CSMD1: variants seen among roughly 807,000 people sequenced by gnomAD.
The protein encoded by CSMD1 is CUB and Sushi multiple domains 1, also known as CUB and sushi domain-containing protein 1.
Under a neutral mutation model 417.5 loss-of-function variants are expected in CSMD1, and 213 were observed. The ratio of observed to expected loss-of-function variants is 0.51; its 90% confidence interval spans 0.46 to 0.57. The LOEUF (loss-of-function observed/expected upper bound fraction) is 0.57. Among genes scored for constraint, CSMD1 ranks in the 20% least tolerant of loss-of-function variants. The pLI, the probability that CSMD1 is intolerant of heterozygous loss-of-function variation, is 0.00. For missense variants in CSMD1, 6,923 were observed against 4,529.7 expected (o/e 1.53, Z -15.17); for synonymous variants, 2,862 against 1,736.8 (o/e 1.65, Z -16.11).
chr8:3,293,872 G>A (rs2117294601), intron 25 of CSMD1, among the ~76,000 whole-genome samples: 1 of 152,326 alleles, frequency 6.6e-6, no homozygotes, highest in Non-Finnish European at 1.5e-5. Flanking sequence ...TGCTGGTGAG[G>A]AGCTGTGTTC....
At chr8:3,941,677 A>C (rs1287752259) in intron 5 of CSMD1, among the ~76,000 whole-genome samples, 1 of 152,204 alleles carries the variant, frequency 6.6e-6, no homozygotes, top group Non-Finnish European at 1.5e-5. Context: ...GCAGAGTTTG[A>C]CTAGAATGTA....
At chr8:4,434,317 G>A (rs928175574) in intron 2 of CSMD1, among the ~76,000 whole-genome samples, 1 of 152,162 alleles carries the variant, frequency 6.6e-6, no homozygotes, top group African/African-American at 2.4e-5. Flanking sequence ...AGTGAGCTGA[G>A]ATTGCACCAT....
At chr8:3,964,815 A>C (rs1812560811) in intron 5 of CSMD1, among the ~76,000 whole-genome samples, 1 of 152,218 alleles carries the variant, frequency 6.6e-6, no homozygotes, top group Non-Finnish European at 1.5e-5. Flanking sequence ...TAAGCTCACA[A>C]ATGAAATAAT....
intron 3 of CSMD1, among the ~76,000 whole-genome samples, chr8:4,040,754 G>A (rs1030928222): frequency 2.0e-5 from 3 of 152,132 alleles, no homozygotes; most frequent in African/African-American, 4.8e-5. Context: ...CAAGGTAAGC[G>A]ACCAGTTGGC....
chr8:4,853,734 C>T (rs1276496552), intron 1 of CSMD1, among the ~76,000 whole-genome samples: 4 of 152,170 alleles, frequency 2.6e-5, no homozygotes, highest in South Asian at 2.1e-4. Flanking sequence ...CATGCAATCT[C>T]GTCATGGAAA....
chr8:3,699,750 C>T (rs551158015), intron 7 of CSMD1, among the ~76,000 whole-genome samples: 67 of 152,260 alleles, frequency 4.4e-4, no homozygotes, highest in Non-Finnish European at 8.2e-4. Context: ...CTTCTGGATG[C>T]TCCGCAACGA....
intron 12 of CSMD1, among the ~76,000 whole-genome samples, chr8:3,421,736 C>T (rs182431483): frequency 1.3e-5 from 2 of 152,206 alleles, no homozygotes; most frequent in Non-Finnish European, 2.9e-5. Flanking sequence ...CTCCCAGGTT[C>T]AAGCAATTGT....
At chr8:4,552,304 A>G (rs1797908830) in intron 2 of CSMD1, among the ~76,000 whole-genome samples, 1 of 151,850 alleles carries the variant, frequency 6.6e-6, no homozygotes, top group African/African-American at 2.4e-5. Flanking sequence ...CTGAAACGTT[A>G]TGCATATCCC....
chr8:3,952,742 T>C (rs1282960249), intron 5 of CSMD1, among the ~76,000 whole-genome samples: 1 of 152,214 alleles, frequency 6.6e-6, no homozygotes, highest in Non-Finnish European at 1.5e-5. Flanking sequence ...AAATGGCTTA[T>C]TGTATGTTAT....
intron 5 of CSMD1, among the ~76,000 whole-genome samples, chr8:3,848,864 C>T (rs1429014022): frequency 6.6e-6 from 1 of 151,566 alleles, no homozygotes; most frequent in African/African-American, 2.4e-5. Context: ...ACATTTTTTT[C>T]AGTCCAGAAA....
intron 10 of CSMD1, among the ~76,000 whole-genome samples, chr8:3,519,105 T>C (rs1158763601): frequency 6.6e-6 from 1 of 152,202 alleles, no homozygotes; most frequent in African/African-American, 2.4e-5. Flanking sequence ...CTGTCCCCTG[T>C]GCAAATATTT....
intron 1 of CSMD1, among the ~76,000 whole-genome samples, chr8:4,887,426 C>G (rs1442848193): frequency 6.6e-6 from 1 of 151,790 alleles, no homozygotes; most frequent in African/African-American, 2.4e-5. Flanking sequence ...AAATGAGAAC[C>G]GAGGTATATT....
At chr8:4,925,375 T>C (rs1340932010) in intron 1 of CSMD1, among the ~76,000 whole-genome samples, 1 of 151,858 alleles carries the variant, frequency 6.6e-6, no homozygotes, top group Non-Finnish European at 1.5e-5. Flanking sequence ...GACATTTCTT[T>C]AGCAGTTAAA....
At chr8:4,764,882 A>AAACAAAAAAAAAAACAAAACAAAAC (rs1563326762) in intron 1 of CSMD1, among the ~76,000 whole-genome samples, 11 of 47,576 alleles carry the variant, frequency 2.3e-4, no homozygotes, top group African/African-American at 8.4e-4. Context: ...CAAAAAAAAA[A>AAACAAAAAAAAAAACAAAACAAAAC]AAAAAAAAAA....
At chr8:4,486,141 A>AGGCACATAGAGCTTTTATCCCC (rs1563223569) in intron 2 of CSMD1, among the ~76,000 whole-genome samples, 1 of 31,282 alleles carries the variant, frequency 3.2e-5, no homozygotes, top group Non-Finnish European at 6.1e-5. Context: ...ATATATACAT[A>AGGCACATAGAGCTTTTATCCCC]CATATATATA....
chr8:2,963,110 C>G, intron 60 of CSMD1, 112 bp downstream of exon 60: 6 of 1,171,126 alleles, frequency 5.1e-6, no homozygotes, highest in Admixed American at 4.0e-5. Flanking sequence ...TATTTTAGGG[C>G]TATTATTACC....
chr8:4,420,511 T>C lies in CSMD1; in HGVS notation c.303-446A>G, dbSNP rs1797187748. Among the ~76,000 whole-genome samples the C allele has an allele frequency of 2.0e-5, 3 of 152,138 alleles. 1 individual carries two copies. The South Asian group carries it at 6.2e-4, about 31-fold the overall frequency. The stretch of plus-strand genomic sequence containing the variant: ...TGAAGCCCAGCATGCATTATCTATT[T>C]TTCCTAATTCACTATTTTTAATTTT... On this transcript the variant is annotated intron_variant, in intron 2 of 69. Coordinates refer to ENST00000635120, the MANE Select transcript of CSMD1 (RefSeq NM_033225.6).
rs149395604 is a variant in CSMD1, at chr8:3,973,147, G to A, written c.818+24756C>T. ...AAAGTTATGAAAATAAAATTCTAAC[G>A]AATCCATGTTTTGTCTGAAAACGTG... On this transcript the variant is annotated intron_variant, in intron 5 of 69. Transcript: ENST00000635120. Among the ~76,000 whole-genome samples the A allele has an allele frequency of 6.8e-4, 104 of 152,290 alleles. 1 individual carries two copies. Among genetic ancestry groups the A allele is most frequent in the East Asian group, 3.3e-3 (17 of 5,182 alleles).
chr8:3,904,747 A>G (rs1237217523), intron 5 of CSMD1, among the ~76,000 whole-genome samples: 1 of 149,740 alleles, frequency 6.7e-6, no homozygotes, highest in African/African-American at 2.5e-5. Flanking sequence ...AGTGATTCTC[A>G]TACCTCAGCC....
Sources: allele counts gnomAD v4.1 joint callset (sites outside exome capture counted in the v4.1 genomes callset), GRCh38; gene constraint gnomAD v4.1.1; transcripts MANE v1.5; gene names NCBI Gene and HGNC (gene_info 2026-07-23, HGNC 2026-07-21).